The following UGT3A1 variants were observed in gnomAD, a reference collection of about 807,000 sequenced individuals.
UGT3A1 encodes UDP-glycosyltransferase 3A1.
Under a neutral mutation model 37.6 loss-of-function variants are expected in UGT3A1, and 40 were observed. The ratio of observed to expected loss-of-function variants is 1.06; its 90% CI spans 0.83 to 1.38. UGT3A1 has a LOEUF of 1.38. UGT3A1 is among the 40% of genes most tolerant of loss of function. The pLI is 0.00. For missense variants in UGT3A1, 642 were observed against 634.2 expected (o/e 1.01, Z -0.13); for synonymous variants, 256 against 232.3 (o/e 1.10, Z -0.93).
chr5:35,995,250 C>T (rs949880645), upstream of UGT3A1, among the ~76,000 whole-genome samples: 2 of 152,180 alleles, frequency 1.3e-5, no homozygotes, highest in African/African-American at 4.8e-5. Flanking sequence ...TACCACTCAA[C>T]AGTAGTCTGA....
intron 4 of UGT3A1, among the ~76,000 whole-genome samples, chr5:35,958,151 A>C (rs1739432408): frequency 6.6e-6 from 1 of 152,184 alleles, no homozygotes; most frequent in African/African-American, 2.4e-5. Flanking sequence ...TGTGAATGCA[A>C]ACATAAAATT....
intron 2 of UGT3A1, among the ~76,000 whole-genome samples, chr5:35,985,046 T>C (rs1240449956): frequency 1.5e-5 from 2 of 134,798 alleles, no homozygotes; most frequent in Non-Finnish European, 3.1e-5. Context: ...ATTAATGGAC[T>C]GATGAATCTT....
chr5:35,986,528 G>A (rs1160531166), intron 2 of UGT3A1, among the ~76,000 whole-genome samples: 4 of 152,112 alleles, frequency 2.6e-5, no homozygotes, highest in African/African-American at 4.8e-5. Context: ...ACAGCAATAT[G>A]TATTGAATTA....
In UGT3A1 at chr5:35,962,992, C is replaced by A. The variant is rs905025089; in HGVS notation, c.843+2394G>T. The stretch of plus-strand genomic sequence containing the variant: ...ATAGAGGTGTCCCTCATTTCCCTTC[C>A]TTCTTTCAATGAAAACTCAGGGTGT... On this transcript the variant is annotated intron_variant, in intron 4 of 6. Coordinates refer to ENST00000274278, the MANE Select transcript of UGT3A1 (RefSeq NM_152404.4). The A allele has an allele frequency of 1.9e-5, 13 of 700,406 alleles. 1 individual carries two copies. The highest frequency in any genetic ancestry group is 2.5e-4 in the Middle Eastern group (1 of 4,058). 43.4% of individuals were successfully genotyped at this position (700,406 alleles called of 1,614,324 possible).
rs948950546 is a variant in UGT3A1, at chr5:35,954,484, G to A, written c.1296-6C>T. On this transcript the variant is annotated splice_polypyrimidine_tract_variant and splice_region_variant and intron_variant, in intron 6 of 6. Transcript: ENST00000274278. The stretch of plus-strand genomic sequence containing the variant: ...CCACCACTGCCGACTTGTACCTGTT[G>A]GCGGAGACAGAGAGGGTGTGTTACT... 3.7e-6 allele frequency: 6 copies of A among 1,612,930 alleles called. No individual in the cohort carries two copies. Among genetic ancestry groups the A allele is most frequent in the Non-Finnish European group, 5.1e-6 (6 of 1,179,152 alleles).
chr5:35,958,782 A>C (rs1453029094), intron 4 of UGT3A1, among the ~76,000 whole-genome samples: 2 of 152,232 alleles, frequency 1.3e-5, no homozygotes, highest in Non-Finnish European at 2.9e-5. Flanking sequence ...TCAATTGTGC[A>C]TTCTTTCCCT....
chr5:35,964,972 C>T (rs1580927377), intron 4 of UGT3A1, among the ~76,000 whole-genome samples: 1 of 152,212 alleles, frequency 6.6e-6, no homozygotes, highest in Admixed American at 6.5e-5. Context: ...GCAGTCCCAC[C>T]CTGCTTACCC....
chr5:35,987,677 A>G (rs987964932), intron 2 of UGT3A1, among the ~76,000 whole-genome samples: 3 of 152,200 alleles, frequency 2.0e-5, no homozygotes, highest in African/African-American at 7.2e-5. Flanking sequence ...AGAATTTTAT[A>G]ATGACTCAGA....
In UGT3A1 at chr5:35,957,693, G is replaced by A. The variant is rs138276433; in HGVS notation, c.844-274C>T. 1.7e-3 allele frequency among the ~76,000 whole-genome samples: 259 copies of A among 152,230 alleles called. 1 individual carries two copies. Among genetic ancestry groups the A allele is most frequent in the African/African-American group, 6.0e-3 (249 of 41,522 alleles). On this transcript the variant is annotated intron_variant, in intron 4 of 6. Coordinates refer to ENST00000274278, the MANE Select transcript of UGT3A1 (RefSeq NM_152404.4). ...GTGATTTTTTTAAGTTTTTGTTCCT[G>A]TTATTGATGTCTAGCTCATCCTATT...
rs1740810597 is a variant in UGT3A1 at position 35,988,481 on chromosome 5, C to T, written c.165G>A (p.Met55Ile). The change falls in exon 2 of 7, where the codon ATG (methionine) becomes ATA (isoleucine). Residue 55 changes from methionine to isoleucine, a missense_variant. Coordinates refer to ENST00000274278, the MANE Select transcript of UGT3A1 (RefSeq NM_152404.4). Reference protein sequence around the residue: ...ILQEHGHNVTMLHQSGKFLIP... With the variant: ...ILQEHGHNVTILHQSGKFLIP... ...TCAAAAACTTTCCACTCTGATGAAG[C>T]ATAGTCACATTATGACCATGCTCTT... 4 of 1,610,638 alleles carry T rather than the reference C, an allele frequency of 2.5e-6. No individual in the cohort carries two copies. In the African/African-American group the frequency reaches 4.0e-5, roughly 16 times the overall value.
intron 2 of UGT3A1, among the ~76,000 whole-genome samples, chr5:35,971,963 G>A (rs559897355): frequency 6.6e-6 from 1 of 152,056 alleles, no homozygotes; most frequent in East Asian, 1.9e-4. Flanking sequence ...TTCCTGCTGC[G>A]GGAGGAAAGC....
upstream of UGT3A1, among the ~76,000 whole-genome samples, chr5:35,994,838 TC>T (rs1266699359): frequency 6.6e-6 from 1 of 151,994 alleles, no homozygotes; most frequent in Non-Finnish European, 1.5e-5. Flanking sequence ...AACATAAAGT[TC>T]CCCCTTCAGA....
chr5:35,995,516 T>C (rs1355725396), upstream of UGT3A1, among the ~76,000 whole-genome samples: 1 of 152,202 alleles, frequency 6.6e-6, no homozygotes, highest in Non-Finnish European at 1.5e-5. Flanking sequence ...GAGCTCATTA[T>C]CAGAACCTAT....
chr5:35,986,946 C>T (rs1227741314), intron 2 of UGT3A1, among the ~76,000 whole-genome samples: 7 of 151,984 alleles, frequency 4.6e-5, no homozygotes, highest in African/African-American at 1.7e-4. Flanking sequence ...AAAATATGTA[C>T]ATCTATTATG....
intron 2 of UGT3A1, among the ~76,000 whole-genome samples, chr5:35,969,843 C>T (rs186903791): frequency 4.1e-4 from 62 of 152,206 alleles, no homozygotes; most frequent in Non-Finnish European, 7.5e-4. Flanking sequence ...ATAATATAGA[C>T]GGCAAATATA....
intron 1 of UGT3A1, among the ~76,000 whole-genome samples, chr5:35,997,870 G>A (rs1741133360): frequency 6.6e-6 from 1 of 152,200 alleles, no homozygotes; most frequent in South Asian, 2.1e-4. Context: ...AGTGTCCAAA[G>A]ACAAACTTCA....
At chr5:35,971,434 C>T (rs1424748768) in intron 2 of UGT3A1, among the ~76,000 whole-genome samples, 3 of 150,902 alleles carry the variant, frequency 2.0e-5, no homozygotes, top group Non-Finnish European at 2.9e-5. Context: ...ACACTGTTCA[C>T]ACCAAAACTG....
In UGT3A1 at chr5:35,963,198, A is replaced by G. The variant is rs182009347; in HGVS notation, c.843+2188T>C. On this transcript the variant is annotated intron_variant, in intron 4 of 6. Transcript: ENST00000274278. ...TTTCCCCTGCTGTTGAAAACCTTTG[A>G]GTTCCCTGGGCCTCATTTATGCCTG... 1.4e-3 allele frequency among the ~76,000 whole-genome samples: 207 copies of G among 152,312 alleles called. 1 individual carries two copies. Among genetic ancestry groups the G allele is most frequent in the Non-Finnish European group, 2.2e-3 (151 of 68,022 alleles).
intron 2 of UGT3A1, among the ~76,000 whole-genome samples, chr5:35,979,037 G>A (rs1156404590): frequency 6.6e-6 from 1 of 152,128 alleles, no homozygotes; most frequent in Non-Finnish European, 1.5e-5. Flanking sequence ...TCACATCTGG[G>A]TCACACTGAT....
Sources: gnomAD v4.1 joint callset for allele counts (sites outside exome capture counted in the v4.1 genomes callset) on GRCh38, gnomAD v4.1.1 for gene constraint, MANE v1.5 for transcripts, NCBI Gene and HGNC (gene_info 2026-07-23, HGNC 2026-07-21) for gene names.